The following GRK5 variants were observed in gnomAD, a reference collection of about 807,000 sequenced individuals.
GRK5 encodes g protein-coupled receptor kinase GRK5.
GRK5 carries 40 observed loss-of-function variants against 78.4 expected under a neutral mutation model. The ratio of observed to expected loss-of-function variants is 0.51; its 90% CI spans 0.40 to 0.66. The LOEUF (loss-of-function observed/expected upper bound fraction) is 0.66. GRK5 is among the 30% of genes least tolerant of loss of function. The pLI, the probability that GRK5 is intolerant of heterozygous loss-of-function variation, is 0.00. For missense variants in GRK5, 598 were observed against 759.9 expected, an observed-to-expected ratio of 0.79 and a Z score of 2.50; for synonymous variants, 289 against 296.8, an observed-to-expected ratio of 0.97 and a Z score of 0.27.
intron 1 of GRK5, among the ~76,000 whole-genome samples, chr10:119,289,626 G>A (rs1037048063): frequency 3.3e-5 from 5 of 152,210 alleles, no homozygotes; most frequent in African/African-American, 1.2e-4. Context: ...GGTGAGTGGT[G>A]AACCCGGAGA....
At chr10:119,304,283 G>GTTTT (rs1850235051) in intron 1 of GRK5, among the ~76,000 whole-genome samples, 1 of 118,066 alleles carries the variant, frequency 8.5e-6, no homozygotes, top group African/African-American at 3.2e-5. Context: ...TGTGTGAGCT[G>GTTTT]CTTTTTTTTT....
At chr10:119,395,599 A>C (rs564857694) in intron 3 of GRK5, among the ~76,000 whole-genome samples, 57 of 152,320 alleles carry the variant, frequency 3.7e-4, no homozygotes, top group African/African-American at 1.1e-3. Flanking sequence ...CTTTTGTCTA[A>C]ATGAGAAAGG....
At position 119,443,671 on chromosome 10, in the gene GRK5, G is replaced by A. The variant is rs1429274129; in HGVS notation, c.1185G>A (p.Glu395=). 4 of 1,613,472 alleles carry A rather than the reference G, an allele frequency of 2.5e-6. No homozygotes were observed. Among genetic ancestry groups the A allele is most frequent in the Admixed American group, 1.7e-5 (1 of 59,998 alleles). ...GCCGCAAGGAGAAGGTGAAGCGGGA[G>A]GAGGTGGACCGCCGGGTCCTGGAGA... ...FRGRKEKVKR[E]EVDRRVLETE... The change falls in exon 12 of 16, where the codon GAG becomes GAA. Residue 395 remains glutamate (E), a synonymous_variant. Transcript: ENST00000392870.
chr10:119,299,784 A>T (rs1328337550), intron 1 of GRK5, among the ~76,000 whole-genome samples: 2 of 121,504 alleles, frequency 1.6e-5, no homozygotes, highest in South Asian at 3.1e-4. Context: ...CAGACTCTTC[A>T]TTTAAGCAGA....
rs1422517169 is a variant in GRK5 at position 119,338,364 on chromosome 10, AAC to A, written c.148+11757_148+11758del. 4.6e-5 allele frequency among the ~76,000 whole-genome samples: 7 copies of A among 152,360 alleles called. No homozygotes were observed. In the East Asian group the frequency reaches 5.8e-4, roughly 13 times the overall value. On this transcript the variant is annotated intron_variant, in intron 2 of 15. Coordinates refer to ENST00000392870, the MANE Select transcript of GRK5 (RefSeq NM_005308.3). ...TAATTGGTAAATTATTTTGCTAAAA[AAC>A]ACAGAAAATTATAAGGAAAGAAAGT... is the stretch of plus-strand genomic sequence containing the variant.
chr10:119,229,856 C>T (rs545463222), intron 1 of GRK5, among the ~76,000 whole-genome samples: 10 of 152,308 alleles, frequency 6.6e-5, no homozygotes, highest in African/African-American at 2.2e-4. Flanking sequence ...GTATTTTTCA[C>T]CACGGTCCAA....
intron 2 of GRK5, among the ~76,000 whole-genome samples, chr10:119,337,768 C>T (rs577887529): frequency 2.0e-5 from 3 of 152,214 alleles, no homozygotes; most frequent in East Asian, 1.9e-4. Context: ...TACAGGCACC[C>T]GCCACTGTGC....
At chr10:119,257,685 T>C (rs1003810525) in intron 1 of GRK5, among the ~76,000 whole-genome samples, 1 of 152,110 alleles carries the variant, frequency 6.6e-6, no homozygotes, top group South Asian at 2.1e-4. Context: ...GATCATGCCA[T>C]TGAACTCCAG....
chr10:119,356,550 AT>A (rs1328364073), intron 2 of GRK5, among the ~76,000 whole-genome samples: 3 of 152,120 alleles, frequency 2.0e-5, no homozygotes, highest in African/African-American at 7.2e-5. Flanking sequence ...TATCTTCTTG[AT>A]GCCCAATAAG....
intron 1 of GRK5, among the ~76,000 whole-genome samples, chr10:119,258,523 G>A (rs1302285410): frequency 6.6e-6 from 1 of 152,204 alleles, no homozygotes. Flanking sequence ...CCAAAGAGCT[G>A]TACCGTCTTG....
At chr10:119,285,769 G>A (rs539489926) in intron 1 of GRK5, among the ~76,000 whole-genome samples, 1 of 152,314 alleles carries the variant, frequency 6.6e-6, no homozygotes, top group Non-Finnish European at 1.5e-5. Context: ...CCATATCCGT[G>A]GAGGTAGGAA....
chr10:119,269,465 C>T (rs1009911706), intron 1 of GRK5, among the ~76,000 whole-genome samples: 5 of 152,062 alleles, frequency 3.3e-5, no homozygotes, highest in Admixed American at 3.3e-4. Flanking sequence ...TATGAGGCTT[C>T]CGTGGGTAGG....
intron 4 of GRK5, among the ~76,000 whole-genome samples, chr10:119,416,589 CTT>C (rs10542874): frequency 1.2e-3 from 107 of 92,922 alleles, no homozygotes; most frequent in Admixed American, 1.2e-3. Flanking sequence ...CTCTCTCTCT[CTT>C]TTTTTTTTTT....
At chr10:119,215,860 T>A (rs2133701367) in intron 1 of GRK5, among the ~76,000 whole-genome samples, 1 of 152,246 alleles carries the variant, frequency 6.6e-6, no homozygotes, top group South Asian at 2.1e-4. Flanking sequence ...GCGGCAGATC[T>A]ACAGAAAGAA....
At chr10:119,275,584 C>A (rs184704607) in intron 1 of GRK5, among the ~76,000 whole-genome samples, 4 of 135,604 alleles carry the variant, frequency 2.9e-5, no homozygotes, top group African/African-American at 1.1e-4. Flanking sequence ...TGTGCGTGTG[C>A]ACGCTCTCTC....
intron 2 of GRK5, among the ~76,000 whole-genome samples, chr10:119,374,314 C>T (rs867437846): frequency 2.6e-5 from 4 of 152,336 alleles, no homozygotes; most frequent in Middle Eastern, 6.8e-3. Flanking sequence ...CTGAGACCGA[C>T]CCCTGCCCAG....
At chr10:119,257,154 A>C (rs1395302589) in intron 1 of GRK5, among the ~76,000 whole-genome samples, 2 of 152,146 alleles carry the variant, frequency 1.3e-5, no homozygotes, top group Non-Finnish European at 2.9e-5. Context: ...CTTCGTTTTA[A>C]CTTCAGTTAC....
chr10:119,402,920 C>T (rs536831326), intron 4 of GRK5, among the ~76,000 whole-genome samples: 46 of 152,154 alleles, frequency 3.0e-4, no homozygotes, highest in Non-Finnish European at 4.4e-4. Flanking sequence ...ATTCTCATAC[C>T]ATAGAACTAA....
chr10:119,405,966 T>C (rs1852232812), intron 4 of GRK5, among the ~76,000 whole-genome samples: 1 of 152,226 alleles, frequency 6.6e-6, no homozygotes, highest in South Asian at 2.1e-4. Context: ...TAAAGGTAAC[T>C]GGAAAAATTA....
Sources: allele counts gnomAD v4.1 joint callset (sites outside exome capture counted in the v4.1 genomes callset), GRCh38; gene constraint gnomAD v4.1.1; transcripts MANE v1.5; gene names NCBI Gene and HGNC (gene_info 2026-07-23, HGNC 2026-07-21).